LYZL4: variants seen among roughly 807,000 people sequenced by gnomAD.
LYZL4 encodes lysozyme like 4, also known as lysozyme-like protein 4.
Under a neutral mutation model 17.6 loss-of-function variants are expected in LYZL4, and 13 were observed. The ratio of observed to expected loss-of-function variants is 0.74; its 90% CI spans 0.48 to 1.18. The LOEUF is 1.18. LYZL4 is among the 50% of genes most tolerant of loss of function. The pLI, the probability that LYZL4 is intolerant of heterozygous loss-of-function variation, is 0.00. For missense variants in LYZL4, 174 were observed against 188.2 expected, an observed-to-expected ratio of 0.92 and a Z score of 0.44; for synonymous variants, 64 against 67.7, an observed-to-expected ratio of 0.95 and a Z score of 0.27.
intron 1 of LYZL4, among the ~76,000 whole-genome samples, chr3:42,409,264 G>C (rs1698819527): frequency 6.6e-6 from 1 of 152,166 alleles, no homozygotes. Context: ...TTGATTTGAA[G>C]AGTAAGTGAA....
Position 42,402,115 on chromosome 3 carries a change from T to C in LYZL4, c.371+1931A>G, listed in dbSNP as rs912489405. On this transcript the variant is annotated intron_variant, in intron 4 of 4. Transcript: ENST00000287748. Reference sequence around the variant, plus strand: ...CATTGTGACTAAGAACTTCTGTTTATCAAGACACTCTTGAGAAGGTTAAAA... The same window carrying C: ...CATTGTGACTAAGAACTTCTGTTTACCAAGACACTCTTGAGAAGGTTAAAA... Among the ~76,000 whole-genome samples the C allele has an allele frequency of 1.1e-4, 15 of 141,198 alleles. 2 individuals carry two copies. The South Asian group carries it at 3.3e-3, about 31-fold the overall frequency. The allele number at this position is 141,198 out of a possible 152,430, so 92.6% of individuals were successfully genotyped here.
At chr3:42,368,359 G>C in the LYZL4 span, among the ~76,000 whole-genome samples, 1 of 152,140 alleles carries the variant, frequency 6.6e-6, no homozygotes, top group South Asian at 2.1e-4. Context: ...GGGTGTCTAG[G>C]GGCTTTGTAA....
chr3:42,368,826 T>A, the LYZL4 span, among the ~76,000 whole-genome samples: 2 of 152,228 alleles, frequency 1.3e-5, no homozygotes, highest in Admixed American at 6.5e-5. Context: ...TACTTGCCAT[T>A]TAGTAGATTA....
At chr3:42,389,120 G>C in the LYZL4 span, among the ~76,000 whole-genome samples, 1 of 152,228 alleles carries the variant, frequency 6.6e-6, no homozygotes, top group African/African-American at 2.4e-5. Flanking sequence ...CCCCTGGGTG[G>C]TGGGAGCCAG....
At chr3:42,387,561 C>T in the LYZL4 span, among the ~76,000 whole-genome samples, 22 of 152,110 alleles carry the variant, frequency 1.4e-4, no homozygotes, top group African/African-American at 4.6e-4. Flanking sequence ...CTCCACATGC[C>T]GCCTCCCCCC....
At chr3:42,378,246 A>G in the LYZL4 span, among the ~76,000 whole-genome samples, 86,639 of 152,044 alleles carry the variant, frequency 0.57, 25,512 homozygotes, top group East Asian at 0.84. Flanking sequence ...ACAGGGGCCT[A>G]CAGTGTTCAT....
At chr3:42,385,327 TCTATGTTTAG>T in the LYZL4 span, among the ~76,000 whole-genome samples, 1 of 152,248 alleles carries the variant, frequency 6.6e-6, no homozygotes, top group African/African-American at 2.4e-5. Flanking sequence ...CTGTACCTTT[TCTATGTTTAG>T]CTATGTTTAG....
intron 3 of LYZL4, 103 bp from the exon 4 acceptor site, chr3:42,404,227 T>C (rs1698709118): frequency 4.8e-6 from 3 of 630,954 alleles, no homozygotes; most frequent in Non-Finnish European, 5.5e-6. Context: ...AGTCTTCCAG[T>C]GAATTCCAAG....
intron 4 of LYZL4, 66 bp from the exon 5 acceptor site, chr3:42,397,400 GC>G: frequency 1.7e-6 from 2 of 1,150,744 alleles, no homozygotes; most frequent in South Asian, 1.3e-5. Flanking sequence ...GGGCTTCACA[GC>G]CCCATTCAGG....
intron 4 of LYZL4, among the ~76,000 whole-genome samples, chr3:42,402,319 C>T (rs42777): frequency 0.61 from 83,714 of 137,916 alleles, 25,115 homozygotes; most frequent in African/African-American, 0.75. Context: ...TCTTTTCTTT[C>T]TTTTTTTTTT....
At chr3:42,374,520 G>A in the LYZL4 span, among the ~76,000 whole-genome samples, 1 of 152,112 alleles carries the variant, frequency 6.6e-6, no homozygotes, top group Non-Finnish European at 1.5e-5. Context: ...AACTGTCGAG[G>A]CCACCGATAT....
the LYZL4 span, among the ~76,000 whole-genome samples, chr3:42,385,717 T>G: frequency 1.3e-5 from 2 of 152,192 alleles, no homozygotes. Flanking sequence ...TCTAAGTTAT[T>G]AAAATGCTCT....
chr3:42,400,739 T>C (rs1486244676), intron 4 of LYZL4, among the ~76,000 whole-genome samples: 1 of 152,092 alleles, frequency 6.6e-6, no homozygotes, highest in Non-Finnish European at 1.5e-5. Flanking sequence ...GAGATTACAA[T>C]GTCCAGAATC....
At chr3:42,364,786 T>C in the LYZL4 span, among the ~76,000 whole-genome samples, 1 of 152,178 alleles carries the variant, frequency 6.6e-6, no homozygotes, top group Non-Finnish European at 1.5e-5. Context: ...AGTGTCATCT[T>C]TTTGGCGTGT....
In LYZL4 at chr3:42,400,028, AC is replaced by A. The variant is rs1698628148; in HGVS notation, c.372-2695del. On this transcript the variant is annotated intron_variant, in intron 4 of 4. Coordinates refer to ENST00000287748, the MANE Select transcript of LYZL4 (RefSeq NM_144634.4). ...CCAAAATACCTTGAAGACACAGAAA[AC>A]AAAACAAAACAAAACAAAAAAAGCA... 2.0e-5 allele frequency among the ~76,000 whole-genome samples: 3 copies of A among 150,626 alleles called. No homozygotes were observed. The South Asian group carries it at 6.4e-4, about 32-fold the overall frequency.
chr3:42,369,983 T>C, the LYZL4 span, among the ~76,000 whole-genome samples: 4 of 151,988 alleles, frequency 2.6e-5, no homozygotes, highest in African/African-American at 9.7e-5. Flanking sequence ...GGAATTCAAA[T>C]CCAGCCTGGG....
chr3:42,408,379 A>C (rs33520), intron 1 of LYZL4, among the ~76,000 whole-genome samples: 36,154 of 152,058 alleles, frequency 0.24, 4,641 homozygotes, highest in Middle Eastern at 0.3. Context: ...TCCATTCTCC[A>C]GGGAGCTGTG....
chr3:42,370,146 A>G, the LYZL4 span, among the ~76,000 whole-genome samples: 1 of 152,176 alleles, frequency 6.6e-6, no homozygotes, highest in Non-Finnish European at 1.5e-5. Flanking sequence ...TTCTGGAGTC[A>G]CTAAGATTCT....
the LYZL4 span, among the ~76,000 whole-genome samples, chr3:42,386,217 C>T: frequency 6.6e-6 from 1 of 152,142 alleles, no homozygotes; most frequent in African/African-American, 2.4e-5. Context: ...ATTCTTGTGC[C>T]TCAGCCTCCT....
Sources: allele counts gnomAD v4.1 joint callset (sites outside exome capture counted in the v4.1 genomes callset), GRCh38; gene constraint gnomAD v4.1.1; transcripts MANE v1.5; gene names NCBI Gene and HGNC (gene_info 2026-07-23, HGNC 2026-07-21).